SNX30: variants seen among roughly 807,000 people sequenced by gnomAD.
The protein encoded by SNX30 is sorting nexin family member 30.
In SNX30, 24 loss-of-function variants were observed where a neutral mutation model predicts 46.4. That is an observed-to-expected ratio of 0.52 (90% CI 0.37 to 0.73). The LOEUF is 0.73. Ranked by LOEUF, SNX30 falls within the 30% of genes least tolerant of loss-of-function variation. SNX30 has a pLI of 0.00. For synonymous variants in SNX30, 189 were observed against 211.5 expected (o/e 0.89, Z 0.92); for missense variants, 533 against 555.7 (o/e 0.96, Z 0.41).
At chr9:112,774,461 A>G (rs1839705527) in intron 1 of SNX30, among the ~76,000 whole-genome samples, 1 of 152,210 alleles carries the variant, frequency 6.6e-6, no homozygotes, top group African/African-American at 2.4e-5. Flanking sequence ...TTTAGACAGA[A>G]TAGACAAATT....
At chr9:112,843,708 C>T (rs542694913) in intron 6 of SNX30, among the ~76,000 whole-genome samples, 71 of 144,942 alleles carry the variant, frequency 4.9e-4, no homozygotes, top group African/African-American at 1.6e-3. Flanking sequence ...CTCCACTTCC[C>T]GCTTCAAGCG....
At chr9:112,815,769 T>G (rs1840387264) in intron 2 of SNX30, among the ~76,000 whole-genome samples, 1 of 152,232 alleles carries the variant, frequency 6.6e-6, no homozygotes, top group African/African-American at 2.4e-5. Flanking sequence ...TGTCTTTCAT[T>G]AGCCCTTAAT....
chr9:112,853,246 C>A (rs970770607), intron 7 of SNX30, among the ~76,000 whole-genome samples: 1 of 152,202 alleles, frequency 6.6e-6, no homozygotes, highest in Non-Finnish European at 1.5e-5. Flanking sequence ...ACTGGCCCAG[C>A]GTATGCAGCT....
chr9:112,864,172 G>T, intron 7 of SNX30, 75 bp from the exon 8 acceptor site: 1 of 1,472,032 alleles, frequency 6.8e-7, no homozygotes. Flanking sequence ...TTTGACAAAT[G>T]TGTGCTCAGA....
At chr9:112,852,316 T>C (rs1167487865) in intron 7 of SNX30, among the ~76,000 whole-genome samples, 1 of 152,174 alleles carries the variant, frequency 6.6e-6, no homozygotes, top group Non-Finnish European at 1.5e-5. Context: ...GCCCAACCTG[T>C]GTAACAATGA....
chr9:112,865,101 C>A (rs1455509809), intron 8 of SNX30, among the ~76,000 whole-genome samples: 3 of 128,928 alleles, frequency 2.3e-5, no homozygotes, highest in African/African-American at 6.0e-5. Context: ...ACCACACACC[C>A]CCCATACTAC....
intron 7 of SNX30, among the ~76,000 whole-genome samples, chr9:112,862,466 T>C (rs1466578104): frequency 6.6e-6 from 1 of 152,102 alleles, no homozygotes; most frequent in East Asian, 1.9e-4. Context: ...CATCTTTCCA[T>C]TGAGGCTGAT....
At chr9:112,883,764 C>G (rs1193411640), downstream of SNX30, among the ~76,000 whole-genome samples, 2 of 147,626 alleles carry the variant, frequency 1.4e-5, no homozygotes, top group Non-Finnish European at 3.0e-5. Flanking sequence ...GTGGCACGAT[C>G]TCAGCTCACT....
intron 8 of SNX30, among the ~76,000 whole-genome samples, chr9:112,865,423 C>T: frequency 6.6e-6 from 1 of 151,586 alleles, no homozygotes; most frequent in East Asian, 2.0e-4. Flanking sequence ...CAGCTCAAGA[C>T]CAGCCTAGGC....
At chr9:112,761,964 G>A (rs1388687909) in intron 1 of SNX30, among the ~76,000 whole-genome samples, 1 of 152,176 alleles carries the variant, frequency 6.6e-6, no homozygotes, top group East Asian at 1.9e-4. Flanking sequence ...GGGGTAGGAT[G>A]TCATCGCAGT....
intron 7 of SNX30, among the ~76,000 whole-genome samples, chr9:112,860,593 C>G (rs1166858795): frequency 6.6e-6 from 1 of 152,206 alleles, no homozygotes; most frequent in African/African-American, 2.4e-5. Context: ...TCCATCCTCT[C>G]CCTTCTGGTG....
At position 112,864,412 on chromosome 9, in the gene SNX30, C is replaced by T. The variant is rs201290794; in HGVS notation, c.1254+13C>T. The T allele has an allele frequency of 4.3e-5, 70 of 1,613,806 alleles. No homozygotes were observed. The highest frequency in any genetic ancestry group is 8.5e-6 in the Non-Finnish European group (10 of 1,179,866). The stretch of plus-strand genomic sequence containing the variant: ...GTATTATGAGAAGGTAATGAGTGTG[C>T]CCAACAAGACTGGTTTCTAATGGCC... On this transcript the variant is annotated intron_variant, in intron 8 of 8. Coordinates refer to ENST00000374232, the MANE Select transcript of SNX30 (RefSeq NM_001012994.2).
At chr9:112,819,223 T>A (rs1376978504) in intron 3 of SNX30, among the ~76,000 whole-genome samples, 2 of 151,310 alleles carry the variant, frequency 1.3e-5, no homozygotes, top group East Asian at 3.9e-4. Flanking sequence ...CATTATTAAC[T>A]AAAAGTCTTT....
intron 6 of SNX30, 61 bp from the exon 7 acceptor site, chr9:112,850,798 G>T (rs1052661161): frequency 1.5e-6 from 2 of 1,293,740 alleles, no homozygotes; most frequent in Non-Finnish European, 2.2e-6. Context: ...GCAATTGCCT[G>T]GGGGTGGGAG....
rs548698612 is a variant in SNX30 at position 112,751,882 on chromosome 9, C to T, written c.156+725C>T. 2.6e-5 allele frequency among the ~76,000 whole-genome samples: 4 copies of T among 152,252 alleles called. No individual in the cohort carries two copies. The East Asian group carries it at 7.7e-4, about 29-fold the overall frequency. ...ATTTTCTTAGAGCAGCACAACCCTCCTGCTGCTTGGAGAGACAGCAGAGTC... is the reference window on the plus strand; with the variant it reads ...ATTTTCTTAGAGCAGCACAACCCTCTTGCTGCTTGGAGAGACAGCAGAGTC... On this transcript the variant is annotated intron_variant, in intron 1 of 8. Transcript: ENST00000374232.
chr9:112,774,963 G>C (rs1161440134), intron 1 of SNX30, among the ~76,000 whole-genome samples: 1 of 150,098 alleles, frequency 6.7e-6, no homozygotes, highest in Non-Finnish European at 1.5e-5. Flanking sequence ...TCATGCCTCA[G>C]CCTCCCCAGT....
chr9:112,815,276 A>G (rs1840379086), intron 2 of SNX30, among the ~76,000 whole-genome samples: 1 of 152,198 alleles, frequency 6.6e-6, no homozygotes, highest in African/African-American at 2.4e-5. Flanking sequence ...AATGATTTCA[A>G]ATTAGAGTAG....
intron 2 of SNX30, among the ~76,000 whole-genome samples, chr9:112,813,928 C>A (rs1840358455): frequency 6.6e-6 from 1 of 152,174 alleles, no homozygotes; most frequent in Non-Finnish European, 1.5e-5. Flanking sequence ...CAATGAAGAT[C>A]ATTATGCAAA....
intron 6 of SNX30, among the ~76,000 whole-genome samples, chr9:112,849,054 A>T (rs1412348475): frequency 2.0e-5 from 3 of 152,086 alleles, no homozygotes; most frequent in African/African-American, 7.2e-5. Context: ...GCTAGTCTGG[A>T]TATGTGGTTT....
Sources: gnomAD v4.1 joint callset for allele counts (sites outside exome capture counted in the v4.1 genomes callset) on GRCh38, gnomAD v4.1.1 for gene constraint, MANE v1.5 for transcripts, NCBI Gene and HGNC (gene_info 2026-07-23, HGNC 2026-07-21) for gene names.